The following COBL variants were observed in gnomAD, a reference collection of about 807,000 sequenced individuals.
The protein encoded by COBL is cordon-bleu WH2 repeat protein.
In COBL, 51 loss-of-function variants were observed where a neutral mutation model predicts 98.8. The ratio of observed to expected loss-of-function variants is 0.52; its 90% CI spans 0.41 to 0.65. The LOEUF (loss-of-function observed/expected upper bound fraction) is 0.65, where lower values mean the gene tolerates loss of function less well. Ranked by LOEUF, COBL falls within the 30% of genes least tolerant of loss-of-function variation. COBL has a pLI of 0.00. For missense variants in COBL, 1,617 were observed against 1,617.5 expected (o/e 1.00, Z 0.01); for synonymous variants, 634 against 651.7 (o/e 0.97, Z 0.41).
intron 1 of COBL, among the ~76,000 whole-genome samples, chr7:51,266,704 T>C (rs1563106103): frequency 6.6e-6 from 1 of 152,202 alleles, no homozygotes. Flanking sequence ...GCTGTCCCTG[T>C]TTCCCACAAA....
chr7:51,022,634 T>C (rs1440992359), intron 12 of COBL: 1 of 152,182 alleles, frequency 6.6e-6, no homozygotes, highest in Non-Finnish European at 1.5e-5. Context: ...AAAGTCCCAA[T>C]GTTATTATCT....
At chr7:51,132,560 G>A (rs1174888345) in intron 6 of COBL, among the ~76,000 whole-genome samples, 1 of 152,180 alleles carries the variant, frequency 6.6e-6, no homozygotes, top group East Asian at 1.9e-4. Context: ...AGGAAACCAT[G>A]AGCAAATAAG....
intron 1 of COBL, among the ~76,000 whole-genome samples, chr7:51,305,438 T>C (rs1247808737): frequency 6.6e-6 from 1 of 152,304 alleles, no homozygotes; most frequent in Non-Finnish European, 1.5e-5. Flanking sequence ...AGATACCTCA[T>C]CTACAAAGCA....
At chr7:51,097,750 G>A (rs1207171196) in intron 6 of COBL, among the ~76,000 whole-genome samples, 2 of 152,126 alleles carry the variant, frequency 1.3e-5, no homozygotes, top group African/African-American at 4.8e-5. Context: ...CAGGCTGGGT[G>A]CAGTGGCTCA....
intron 2 of COBL, among the ~76,000 whole-genome samples, chr7:51,204,493 G>A (rs1481896325): frequency 4.6e-5 from 7 of 150,886 alleles, no homozygotes; most frequent in African/African-American, 1.2e-4. Context: ...AGAAAAAACC[G>A]TTAAAAGTAA....
In COBL at chr7:51,019,917, G is replaced by C. The variant is rs989127773; in HGVS notation, c.3769-2349C>G. On this transcript the variant is annotated intron_variant, in intron 12 of 12. Transcript: ENST00000265136. ...AGGACCTAGGGCTTAGATGAAAAGA[G>C]AGTTGGTGTGTTTTTTCTCTTTCCT... is the stretch of plus-strand genomic sequence containing the variant. Among the ~76,000 whole-genome samples the C allele has an allele frequency of 2.0e-5, 3 of 152,220 alleles. No individual in the cohort carries two copies. In the South Asian group the frequency reaches 6.2e-4, roughly 32 times the overall value.
intron 6 of COBL, among the ~76,000 whole-genome samples, chr7:51,110,528 T>A (rs1482625725): frequency 6.6e-6 from 1 of 152,328 alleles, no homozygotes. Context: ...GACACTTAGG[T>A]TGATTCCATA....
At chr7:51,188,179 T>G (rs764920685) in intron 4 of COBL, among the ~76,000 whole-genome samples, 5 of 152,220 alleles carry the variant, frequency 3.3e-5, no homozygotes, top group Non-Finnish European at 7.3e-5. Context: ...AGCAGAGCCC[T>G]TGGCTTTATC....
chr7:51,135,231 G>A (rs565041165), intron 6 of COBL, among the ~76,000 whole-genome samples: 3 of 152,274 alleles, frequency 2.0e-5, no homozygotes, highest in Admixed American at 6.5e-5. Context: ...CCAAAGCGCC[G>A]GGATTACAGG....
chr7:51,081,087 C>T (rs1014204089), intron 7 of COBL, among the ~76,000 whole-genome samples: 3 of 150,956 alleles, frequency 2.0e-5, no homozygotes, highest in Non-Finnish European at 4.4e-5. Context: ...GCCAGGAGCG[C>T]GGGGCAGGAG....
At chr7:51,079,544 G>A (rs1793420523) in intron 7 of COBL, among the ~76,000 whole-genome samples, 2 of 152,224 alleles carry the variant, frequency 1.3e-5, no homozygotes, top group Admixed American at 6.5e-5. Flanking sequence ...TAGTAGAGGA[G>A]GCACATAACA....
chr7:51,276,841 C>A (rs1799352533), intron 1 of COBL, among the ~76,000 whole-genome samples: 1 of 152,162 alleles, frequency 6.6e-6, no homozygotes, highest in African/African-American at 2.4e-5. Context: ...GGTGCCTGGG[C>A]CCAGAAAGGG....
At position 51,274,389 on chromosome 7, in the gene COBL, G is replaced by A. The variant is rs746244991; in HGVS notation, c.41+42204C>T. Among the ~76,000 whole-genome samples the A allele has an allele frequency of 3.1e-4, 47 of 152,206 alleles. 1 individual carries two copies. The highest frequency in any genetic ancestry group is 6.5e-5 in the Admixed American group (1 of 15,286). ...GGGCATGGTCCTGAGGCAGCTCTAG[G>A]TGAGCTCCCCTTCATCTGTTTGTCT... On this transcript the variant is annotated intron_variant, in intron 1 of 12. Transcript: ENST00000265136.
chr7:51,131,653 G>A (rs1480624334), intron 6 of COBL, among the ~76,000 whole-genome samples: 1 of 151,314 alleles, frequency 6.6e-6, no homozygotes, highest in Non-Finnish European at 1.5e-5. Context: ...GAGTGCAGTG[G>A]CACGATCTCG....
At chr7:51,260,219 A>G (rs1452162454) in intron 1 of COBL, 1 of 660,294 alleles carries the variant, frequency 1.5e-6, no homozygotes, top group Non-Finnish European at 2.6e-6. Flanking sequence ...CATGGGGAAG[A>G]TGGCACTCAC....
chr7:51,165,124 C>T (rs1421859717), intron 5 of COBL, among the ~76,000 whole-genome samples: 2 of 151,856 alleles, frequency 1.3e-5, no homozygotes, highest in Non-Finnish European at 2.9e-5. Flanking sequence ...TGAGTCCTTA[C>T]TTATCAATAA....
At chr7:51,217,488 T>C (rs544557476) in intron 2 of COBL, among the ~76,000 whole-genome samples, 2 of 152,064 alleles carry the variant, frequency 1.3e-5, no homozygotes, top group Admixed American at 1.3e-4. Context: ...ATTACAGGCA[T>C]GCGCCACCAC....
chr7:51,079,977 A>G (rs577304583), intron 7 of COBL, among the ~76,000 whole-genome samples: 97 of 152,318 alleles, frequency 6.4e-4, no homozygotes, highest in African/African-American at 2.3e-3. Flanking sequence ...ATCAAGTACT[A>G]ATAACAGTTT....
intron 7 of COBL, chr7:51,072,830 A>G (rs566152595): frequency 6.6e-6 from 1 of 152,384 alleles, no homozygotes; most frequent in South Asian, 2.1e-4. Context: ...ATTGGGTCCT[A>G]TGTATCATTG....
Sources: gnomAD v4.1 joint callset for allele counts (sites outside exome capture counted in the v4.1 genomes callset) on GRCh38, gnomAD v4.1.1 for gene constraint, MANE v1.5 for transcripts, NCBI Gene and HGNC (gene_info 2026-07-23, HGNC 2026-07-21) for gene names.